The following RAB3C variants were observed in gnomAD, a reference collection of about 807,000 sequenced individuals.
The protein encoded by RAB3C is ras-related protein Rab-3C.
In RAB3C, 17 loss-of-function variants were observed where a neutral mutation model predicts 26.4. The ratio of observed to expected loss-of-function variants is 0.64; its 90% CI spans 0.44 to 0.97. RAB3C has a LOEUF of 0.97. Ranked by LOEUF, RAB3C falls within the 50% of genes least tolerant of loss-of-function variation. RAB3C has a pLI of 0.00. For missense variants in RAB3C, 242 were observed against 281.9 expected, an observed-to-expected ratio of 0.86 and a Z score of 1.01; for synonymous variants, 91 against 95.9, an observed-to-expected ratio of 0.95 and a Z score of 0.30.
intron 2 of RAB3C, among the ~76,000 whole-genome samples, chr5:58,649,757 C>T (rs1366819369): frequency 2.6e-5 from 4 of 152,122 alleles, no homozygotes; most frequent in East Asian, 1.9e-4. Context: ...CCCACCTCAT[C>T]GAAATCTGGG....
intron 1 of RAB3C, among the ~76,000 whole-genome samples, chr5:58,592,383 A>G (rs537451993): frequency 2.0e-5 from 3 of 152,170 alleles, no homozygotes; most frequent in African/African-American, 7.2e-5. Context: ...AATTGTTGTC[A>G]TATGTTACAT....
intron 4 of RAB3C, among the ~76,000 whole-genome samples, chr5:58,844,630 G>C (rs1247697870): frequency 6.6e-6 from 1 of 152,184 alleles, no homozygotes; most frequent in East Asian, 1.9e-4. Flanking sequence ...GGCCCATCCA[G>C]TTCCACAGGA....
chr5:58,680,067 C>T (rs929417043), intron 2 of RAB3C, among the ~76,000 whole-genome samples: 5 of 152,040 alleles, frequency 3.3e-5, no homozygotes, highest in Admixed American at 1.3e-4. Flanking sequence ...GGGAAATTAA[C>T]CTTGTTAATG....
chr5:58,765,194 G>A (rs779954012), intron 3 of RAB3C, among the ~76,000 whole-genome samples: 6 of 152,116 alleles, frequency 3.9e-5, no homozygotes, highest in Non-Finnish European at 5.9e-5. Flanking sequence ...TTTCTAGCCA[G>A]CACCTCCTGC....
At chr5:58,683,684 C>T (rs1748390904) in intron 2 of RAB3C, among the ~76,000 whole-genome samples, 1 of 152,046 alleles carries the variant, frequency 6.6e-6, no homozygotes, top group South Asian at 2.1e-4. Flanking sequence ...AAATTGCATC[C>T]CATTCTGAGT....
chr5:58,857,699 C>G lies in RAB3C; in HGVS notation c.*6348C>G, dbSNP rs1744296053. On this transcript the variant is annotated 3_prime_UTR_variant, in exon 5 of 5. Coordinates refer to ENST00000282878, the MANE Select transcript of RAB3C (RefSeq NM_138453.4). ...TAGGTTGTAGCTAATGTTGTATTCACTTTCAATTCTCAGTTGTCCACACTG... is the reference window on the plus strand; with the variant it reads ...TAGGTTGTAGCTAATGTTGTATTCAGTTTCAATTCTCAGTTGTCCACACTG... The G allele has an allele frequency of 6.6e-6, 1 of 152,158 alleles. No homozygotes were observed. The highest frequency in any genetic ancestry group is 2.4e-5 in the African/African-American group (1 of 41,436). The allele number at this position is 152,158 out of a possible 1,614,324, so 9.4% of individuals were successfully genotyped here. A position where few individuals can be genotyped will look rare whatever the true frequency, so the allele number is the denominator to read the frequency against.
chr5:58,682,559 C>G (rs1032621343), intron 2 of RAB3C, among the ~76,000 whole-genome samples: 22 of 152,094 alleles, frequency 1.4e-4, no homozygotes, highest in African/African-American at 4.8e-4. Context: ...TGGCGGGCGC[C>G]TATAGTCCCA....
At chr5:58,743,535 T>A (rs1741325125) in intron 3 of RAB3C, among the ~76,000 whole-genome samples, 2 of 152,088 alleles carry the variant, frequency 1.3e-5, no homozygotes, top group African/African-American at 4.8e-5. Flanking sequence ...ATGCTTATGG[T>A]ATTTGTCCTA....
intron 2 of RAB3C, among the ~76,000 whole-genome samples, chr5:58,636,468 C>T (rs1436216827): frequency 6.6e-6 from 1 of 152,198 alleles, no homozygotes; most frequent in East Asian, 1.9e-4. Context: ...CATCACCTTG[C>T]TTTTGCATTT....
At chr5:58,702,532 T>A (rs1748866999) in intron 2 of RAB3C, among the ~76,000 whole-genome samples, 1 of 152,138 alleles carries the variant, frequency 6.6e-6, no homozygotes, top group Non-Finnish European at 1.5e-5. Flanking sequence ...GTATTGTCTC[T>A]GTTATAGCAC....
At chr5:58,822,926 G>T (rs1743376117) in intron 3 of RAB3C, 11 of 641,072 alleles carry the variant, frequency 1.7e-5, no homozygotes. Context: ...TGGTCAGCCT[G>T]GTGCCTTCAC....
rs144445749 is a variant in RAB3C at position 58,635,609 on chromosome 5, T to C, written c.252+17739T>C. On this transcript the variant is annotated intron_variant, in intron 2 of 4. Transcript: ENST00000282878. ...CCTCCTGGGACTTGGCTAGTGCAGGTGCCTGTCAGGACCAGGGTTTGTACA... is the reference window on the plus strand; with the variant it reads ...CCTCCTGGGACTTGGCTAGTGCAGGCGCCTGTCAGGACCAGGGTTTGTACA... Among the ~76,000 whole-genome samples the C allele has an allele frequency of 1.5e-3, 230 of 152,294 alleles. 2 individuals carry two copies. The highest frequency in any genetic ancestry group is 5.1e-3 in the African/African-American group (213 of 41,574).
intron 3 of RAB3C, among the ~76,000 whole-genome samples, chr5:58,792,576 A>C (rs1742552383): frequency 6.6e-6 from 1 of 152,140 alleles, no homozygotes; most frequent in African/African-American, 2.4e-5. Flanking sequence ...CCACACATGG[A>C]AACATTGATT....
chr5:58,813,120 A>T (rs374831190), intron 3 of RAB3C, among the ~76,000 whole-genome samples: 7 of 152,332 alleles, frequency 4.6e-5, no homozygotes, highest in South Asian at 2.1e-4. Context: ...CTTCATCTGC[A>T]AAATGGGAAA....
chr5:58,819,946 T>C (rs1743302404), intron 3 of RAB3C, among the ~76,000 whole-genome samples: 1 of 152,214 alleles, frequency 6.6e-6, no homozygotes, highest in African/African-American at 2.4e-5. Context: ...CAAATGTAGA[T>C]TTCATTGCTC....
chr5:58,627,111 T>G (rs911422029), intron 2 of RAB3C, among the ~76,000 whole-genome samples: 2 of 152,176 alleles, frequency 1.3e-5, no homozygotes, highest in Non-Finnish European at 2.9e-5. Flanking sequence ...AGCTTATTTA[T>G]TAAATGCTCA....
intron 3 of RAB3C, among the ~76,000 whole-genome samples, chr5:58,808,224 C>CAAAAAAAAAAA (rs773339041): frequency 1.6e-5 from 1 of 63,648 alleles, no homozygotes; most frequent in Non-Finnish European, 3.4e-5. Context: ...GACTCCGTCT[C>CAAAAAAAAAAA]AAAAAAAAAA....
intron 3 of RAB3C, among the ~76,000 whole-genome samples, chr5:58,807,246 G>A (rs1317648785): frequency 6.6e-6 from 1 of 152,208 alleles, no homozygotes; most frequent in Non-Finnish European, 1.5e-5. Context: ...GGTCTCTGCA[G>A]ATGGGAAGCA....
chr5:58,661,157 GA>G (rs1361604461), intron 2 of RAB3C, among the ~76,000 whole-genome samples: 1 of 149,528 alleles, frequency 6.7e-6, no homozygotes, highest in Non-Finnish European at 1.5e-5. Context: ...TTCATTATGT[GA>G]AAAAAAAGAA....
Sources: allele counts gnomAD v4.1 joint callset (sites outside exome capture counted in the v4.1 genomes callset), GRCh38; gene constraint gnomAD v4.1.1; transcripts MANE v1.5; gene names NCBI Gene and HGNC (gene_info 2026-07-23, HGNC 2026-07-21).